SGCZ: variants seen among roughly 807,000 people sequenced by gnomAD.
SGCZ encodes the protein sarcoglycan zeta, also known as zeta-sarcoglycan.
In SGCZ, 40 loss-of-function variants were observed where a neutral mutation model predicts 41.3. That is an observed-to-expected ratio of 0.97 (90% CI 0.75 to 1.26). The LOEUF is 1.26. Among genes scored for constraint, SGCZ ranks in the 50% most tolerant of loss-of-function variants. The probability of loss-of-function intolerance (pLI) is 0.00; values close to 1 mark genes in which losing one functional copy is unlikely to be tolerated. For synonymous variants in SGCZ, 206 were observed against 137.5 expected (o/e 1.50, Z -3.49); for missense variants, 552 against 369.8 (o/e 1.49, Z -4.04).
At chr8:14,976,690 G>C (rs928469450) in intron 1 of SGCZ, among the ~76,000 whole-genome samples, 2 of 152,148 alleles carry the variant, frequency 1.3e-5, no homozygotes, top group African/African-American at 4.8e-5. Flanking sequence ...CATAGATACA[G>C]AGTACAAAAA....
At chr8:14,470,307 C>T (rs1446685486) in intron 2 of SGCZ, among the ~76,000 whole-genome samples, 2 of 152,104 alleles carry the variant, frequency 1.3e-5, no homozygotes, top group Non-Finnish European at 1.5e-5. Flanking sequence ...TTTCTCCTCA[C>T]TCTTTTATAA....
At chr8:14,996,264 C>G (rs1802214383) in intron 1 of SGCZ, among the ~76,000 whole-genome samples, 1 of 152,290 alleles carries the variant, frequency 6.6e-6, no homozygotes, top group East Asian at 1.9e-4. Flanking sequence ...AAAAATGCAG[C>G]ATTCTGAACC....
chr8:15,026,513 A>G lies in SGCZ; in HGVS notation c.39+211072T>C, dbSNP rs142404643. Among the ~76,000 whole-genome samples the G allele has an allele frequency of 5.3e-4, 80 of 152,350 alleles. 1 individual carries two copies. The East Asian group carries it at 0.014, about 27-fold the overall frequency. ...ATCAAAATAAGGCATAAAGAAGTTC[A>G]AACAAAAATGCATTGATTCCCATTT... is the stretch of plus-strand genomic sequence containing the variant. On this transcript the variant is annotated intron_variant, in intron 1 of 7. Coordinates refer to ENST00000382080, the MANE Select transcript of SGCZ (RefSeq NM_139167.4).
rs908015855 is a variant in SGCZ, at chr8:14,784,205, C to T, written c.40-229279G>A. 4.3e-4 allele frequency among the ~76,000 whole-genome samples: 58 copies of T among 134,512 alleles called. 1 individual carries two copies. The highest frequency in any genetic ancestry group is 1.3e-3 in the African/African-American group (52 of 40,102). The allele number at this position is 134,512 out of a possible 152,430, so 88.2% of individuals were successfully genotyped here. On this transcript the variant is annotated intron_variant, in intron 1 of 7. Coordinates refer to ENST00000382080, the MANE Select transcript of SGCZ (RefSeq NM_139167.4). ...AGCAGGGAACACAGGCACATGCCAC[C>T]GAGCCTGGCTAATTTTTTTTTATTT...
intron 1 of SGCZ, 109 bp from the exon 2 acceptor site, chr8:14,555,035 T>C: frequency 1.1e-6 from 1 of 940,364 alleles, no homozygotes; most frequent in Non-Finnish European, 1.6e-6. Context: ...TTAAAATAAT[T>C]GGCAGTGAGC....
chr8:14,203,722 G>A (rs1805529779), intron 4 of SGCZ, among the ~76,000 whole-genome samples: 1 of 152,136 alleles, frequency 6.6e-6, no homozygotes, highest in Admixed American at 6.5e-5. Context: ...ATTAACTAAT[G>A]AGGGCTATGG....
At chr8:14,877,712 T>G (rs934991040) in intron 1 of SGCZ, among the ~76,000 whole-genome samples, 6 of 152,138 alleles carry the variant, frequency 3.9e-5, no homozygotes, top group African/African-American at 1.4e-4. Context: ...TCCATCCAAG[T>G]TTTTAAAAGG....
chr8:14,102,107 T>TAA (rs1802048259), intron 7 of SGCZ, among the ~76,000 whole-genome samples: 1 of 73,576 alleles, frequency 1.4e-5, no homozygotes, highest in African/African-American at 6.6e-5. Context: ...TATATATAAT[T>TAA]TTTTTTTTTT....
At chr8:14,986,277 C>G (rs1335772460) in intron 1 of SGCZ, among the ~76,000 whole-genome samples, 2 of 152,032 alleles carry the variant, frequency 1.3e-5, no homozygotes, top group East Asian at 3.8e-4. Context: ...ATAGAAAACT[C>G]TTAATATAGC....
chr8:14,683,292 A>G (rs1431117052), intron 1 of SGCZ, among the ~76,000 whole-genome samples: 1 of 152,202 alleles, frequency 6.6e-6, no homozygotes, highest in African/African-American at 2.4e-5. Flanking sequence ...TAACACCAAG[A>G]AAGTATGACA....
chr8:15,090,412 A>C (rs988778087), intron 1 of SGCZ, among the ~76,000 whole-genome samples: 3 of 152,216 alleles, frequency 2.0e-5, no homozygotes, highest in Non-Finnish European at 4.4e-5. Flanking sequence ...GATATCTGGC[A>C]ACACCCCTGG....
At chr8:14,251,659 T>G (rs1585281369) in intron 3 of SGCZ, among the ~76,000 whole-genome samples, 1 of 152,226 alleles carries the variant, frequency 6.6e-6, no homozygotes, top group African/African-American at 2.4e-5. Context: ...ATAAAAACAT[T>G]GTTTTTAATA....
chr8:14,796,041 G>C (rs1216884728), intron 1 of SGCZ, among the ~76,000 whole-genome samples: 1 of 152,128 alleles, frequency 6.6e-6, no homozygotes, highest in Non-Finnish European at 1.5e-5. Flanking sequence ...TCCATGGTGT[G>C]TATGTACCAC....
chr8:14,546,658 T>C (rs928463392), intron 2 of SGCZ, among the ~76,000 whole-genome samples: 1 of 152,150 alleles, frequency 6.6e-6, no homozygotes, highest in African/African-American at 2.4e-5. Flanking sequence ...AGTTTGAGGG[T>C]ATTAAGATAT....
intron 1 of SGCZ, among the ~76,000 whole-genome samples, chr8:15,107,928 C>A (rs952831576): frequency 6.6e-6 from 1 of 152,150 alleles, no homozygotes; most frequent in Non-Finnish European, 1.5e-5. Flanking sequence ...TAGGCTTGAA[C>A]AAATCATTAT....
chr8:14,504,464 T>C (rs1452002227), intron 2 of SGCZ, among the ~76,000 whole-genome samples: 1 of 152,208 alleles, frequency 6.6e-6, no homozygotes, highest in African/African-American at 2.4e-5. Flanking sequence ...TATGCATTAG[T>C]ATCACCTGCT....
chr8:14,440,990 G>C (rs1435568722), intron 2 of SGCZ, among the ~76,000 whole-genome samples: 1 of 152,012 alleles, frequency 6.6e-6, no homozygotes, highest in African/African-American at 2.4e-5. Context: ...AGGGGGTTTT[G>C]TGTGTGATTG....
intron 2 of SGCZ, among the ~76,000 whole-genome samples, chr8:14,500,856 TC>T (rs1802131822): frequency 6.6e-6 from 1 of 152,034 alleles, no homozygotes; most frequent in Admixed American, 6.6e-5. Context: ...TCTTATTTTA[TC>T]TTCTCAAAGA....
At chr8:15,004,489 G>A (rs1404327682) in intron 1 of SGCZ, among the ~76,000 whole-genome samples, 2 of 152,128 alleles carry the variant, frequency 1.3e-5, no homozygotes. Context: ...GGAGACTTAA[G>A]ACAGAGGTGG....
Sources: allele counts gnomAD v4.1 joint callset (sites outside exome capture counted in the v4.1 genomes callset), GRCh38; gene constraint gnomAD v4.1.1; transcripts MANE v1.5; gene names NCBI Gene and HGNC (gene_info 2026-07-23, HGNC 2026-07-21).